GFM2: variants seen among roughly 807,000 people sequenced by gnomAD.
The protein encoded by GFM2 is GTP dependent ribosome recycling factor mitochondrial 2.
Under a neutral mutation model 95.4 loss-of-function variants are expected in GFM2, and 72 were observed. The ratio of observed to expected loss-of-function variants is 0.76; its 90% CI spans 0.62 to 0.92. The LOEUF is 0.92. GFM2 is among the 40% of genes least tolerant of loss of function. The probability of loss-of-function intolerance (pLI) is 0.00; values close to 1 mark genes in which losing one functional copy is unlikely to be tolerated. For missense variants in GFM2, 825 were observed against 924.1 expected, an observed-to-expected ratio of 0.89 and a Z score of 1.39; for synonymous variants, 276 against 317.5, an observed-to-expected ratio of 0.87 and a Z score of 1.39.
intron 10 of GFM2, among the ~76,000 whole-genome samples, chr5:74,743,049 A>G (rs2112282683): frequency 6.6e-6 from 1 of 152,320 alleles, no homozygotes; most frequent in Non-Finnish European, 1.5e-5. Flanking sequence ...TTCAACTTGC[A>G]AAACAAACTC....
chr5:74,724,587 A>G (rs1460661775), intron 19 of GFM2, among the ~76,000 whole-genome samples: 1 of 152,202 alleles, frequency 6.6e-6, no homozygotes, highest in Non-Finnish European at 1.5e-5. Context: ...AACAATATTT[A>G]AACTTTTTTC....
chr5:74,751,772 T>A (rs372910222), intron 5 of GFM2, among the ~76,000 whole-genome samples: 1 of 152,196 alleles, frequency 6.6e-6, no homozygotes, highest in East Asian at 1.9e-4. Flanking sequence ...ATTTCTTACA[T>A]AGCTTAACTA....
chr5:74,738,739 G>C (rs1333225578), intron 12 of GFM2, 97 bp from the exon 13 acceptor site: 8 of 1,197,478 alleles, frequency 6.7e-6, no homozygotes, highest in South Asian at 1.6e-5. Flanking sequence ...TTATCTTCTA[G>C]TAGAGCTACT....
At position 74,747,079 on chromosome 5, in the gene GFM2, C is replaced by T. The variant is rs576909496; in HGVS notation, c.608+613G>A. On this transcript the variant is annotated intron_variant, in intron 8 of 20. Coordinates refer to ENST00000296805, the MANE Select transcript of GFM2 (RefSeq NM_032380.5). ...AATATTCTTGATTCTCTCCCTTTCACATTTTCTCCAAATCTTTCAAATATT... is the reference window on the plus strand; with the variant it reads ...AATATTCTTGATTCTCTCCCTTTCATATTTTCTCCAAATCTTTCAAATATT... Among the ~76,000 whole-genome samples, 6 of 152,290 alleles carry T rather than the reference C, an allele frequency of 3.9e-5. No individual in the cohort carries two copies. The South Asian group carries it at 6.2e-4, about 16-fold the overall frequency.
intron 5 of GFM2, among the ~76,000 whole-genome samples, chr5:74,754,838 A>C (rs1248640476): frequency 6.6e-6 from 1 of 152,190 alleles, no homozygotes; most frequent in Non-Finnish European, 1.5e-5. Flanking sequence ...TGGACTGGCC[A>C]GGCGCAGTGG....
Position 74,745,791 on chromosome 5 carries a change from AAAG to A in GFM2, c.733_735del (p.Leu245del), listed in dbSNP as rs2112296177. 6.2e-7 allele frequency: 1 copy of A among 1,613,644 alleles called. No homozygotes were observed. Among genetic ancestry groups the A allele is most frequent in the Non-Finnish European group, 8.5e-7 (1 of 1,179,874 alleles). ...TTTCCATCATTTGAATTGCAATTCCAAAGAAGTTTTTCTTTCATTACTACATCC... is the reference window on the plus strand; with the variant it reads ...TTTCCATCATTTGAATTGCAATTCCAAAGTTTTTCTTTCATTACTACATCC... On this transcript the variant is annotated inframe_deletion, in exon 10 of 21. Transcript: ENST00000296805.
At chr5:74,742,369 C>T (rs543738519) in intron 10 of GFM2, among the ~76,000 whole-genome samples, 1 of 152,166 alleles carries the variant, frequency 6.6e-6, no homozygotes, top group African/African-American at 2.4e-5. Context: ...TGGAATCAGA[C>T]TACCTAGAAA....
Position 74,758,966 on chromosome 5 carries a change from A to AG in GFM2, c.207-21_207-20insC, listed in dbSNP as rs1744136859. 6.7e-7 allele frequency: 1 copy of AG among 1,503,534 alleles called. No individual in the cohort carries two copies. The allele number at this position is 1,503,534 out of a possible 1,614,324, so 93.1% of individuals were successfully genotyped here. A position where few individuals can be genotyped will look rare whatever the true frequency, so the allele number is the denominator to read the frequency against. On this transcript the variant is annotated intron_variant, in intron 4 of 20. Transcript: ENST00000296805. ...CGGATTCTGTTTAAAAGGAAAAAAT[A>AG]AGGTAAACTTTACTAAAATTGTAAA...
intron 3 of GFM2, among the ~76,000 whole-genome samples, 174 bp downstream of exon 3, chr5:74,760,728 A>C (rs1047463762): frequency 5.3e-5 from 8 of 152,178 alleles, no homozygotes; most frequent in Non-Finnish European, 1.2e-4. Flanking sequence ...CAACTCTACT[A>C]GTATTTCCTT....
intron 17 of GFM2, among the ~76,000 whole-genome samples, chr5:74,726,373 A>G (rs967802348): frequency 6.6e-6 from 1 of 152,210 alleles, no homozygotes; most frequent in Non-Finnish European, 1.5e-5. Context: ...ACATTAAGAT[A>G]TGTTGAGGCA....
intron 15 of GFM2, among the ~76,000 whole-genome samples, chr5:74,734,771 C>CA (rs914044855): frequency 6.6e-6 from 1 of 152,028 alleles, no homozygotes; most frequent in Non-Finnish European, 1.5e-5. Flanking sequence ...AATAAAAGCA[C>CA]AAAAAAGAAA....
chr5:74,730,615 C>G, intron 16 of GFM2: 1 of 353,100 alleles, frequency 2.8e-6, no homozygotes, highest in Non-Finnish European at 5.0e-6. Context: ...GCCATTCTCT[C>G]CTTCTTCTTT....
At position 74,751,434 on chromosome 5, in the gene GFM2, T is replaced by C. The variant is rs1347628459; in HGVS notation, c.364A>G (p.Thr122Ala). Reference protein sequence around the residue: ...FMAQERERGITIQSAAVTFDW... With the variant: ...FMAQERERGIAIQSAAVTFDW... ...AATGTAACAGCAGCTGATTGAATAGTAATGCCTCTTTCTCGCTCTTGGGCC... is the reference window on the plus strand; with the variant it reads ...AATGTAACAGCAGCTGATTGAATAGCAATGCCTCTTTCTCGCTCTTGGGCC... The change falls in exon 6 of 21, where the codon ACT (threonine) becomes GCT (alanine). Residue 122 changes from threonine to alanine, a missense_variant. Coordinates refer to ENST00000296805, the MANE Select transcript of GFM2 (RefSeq NM_032380.5). 6.2e-7 allele frequency: 1 copy of C among 1,609,580 alleles called. No homozygotes were observed. Among genetic ancestry groups the C allele is most frequent in the African/African-American group, 1.3e-5 (1 of 74,950 alleles).
At chr5:74,755,472 T>C (rs1580012994) in intron 5 of GFM2, among the ~76,000 whole-genome samples, 1 of 152,168 alleles carries the variant, frequency 6.6e-6, no homozygotes. Flanking sequence ...ATAAAATTGA[T>C]AGACCATTAG....
intron 11 of GFM2, among the ~76,000 whole-genome samples, chr5:74,740,783 C>CT (rs368837264): frequency 6.6e-6 from 1 of 152,100 alleles, no homozygotes; most frequent in Non-Finnish European, 1.5e-5. Flanking sequence ...AGAAAAAATA[C>CT]TTTTTTTCAT....
In GFM2 at chr5:74,725,661, A is replaced by G; in HGVS notation, c.2007T>C (p.Cys669=). 1 of 1,612,854 alleles carries G rather than the reference A, an allele frequency of 6.2e-7. No homozygotes were observed. The highest frequency in any genetic ancestry group is 2.2e-5 in the East Asian group (1 of 44,858). The stretch of plus-strand genomic sequence containing the variant: ...ATACCTTTTGCACGCATCTTGAGAC[A>G]CAGGCAGAAATCATAGTTGTGGAGG... The part of the protein sequence containing the change: ...PGTSTTMISA[C]VSRCVQKALK... The change falls in exon 19 of 21, where the codon TGT becomes TGC. Residue 669 remains cysteine, a synonymous_variant. Transcript: ENST00000296805.
chr5:74,725,809 A>C (rs1224260535), intron 18 of GFM2, 54 bp from the exon 19 acceptor site: 1 of 1,469,076 alleles, frequency 6.8e-7, no homozygotes, highest in Non-Finnish European at 9.5e-7. Context: ...AGTGAGAAGT[A>C]ACTGAGAAGT....
chr5:74,757,657 A>G (rs1744059336), intron 5 of GFM2, among the ~76,000 whole-genome samples: 1 of 147,002 alleles, frequency 6.8e-6, no homozygotes, highest in Admixed American at 6.9e-5. Context: ...TGTGCCCAAG[A>G]GTTCAAGGCT....
intron 6 of GFM2, 82 bp downstream of exon 6, chr5:74,751,286 T>C: frequency 7.0e-7 from 1 of 1,421,354 alleles, no homozygotes; most frequent in South Asian, 1.3e-5. Flanking sequence ...TTTACCACAA[T>C]AAAAAGCAAA....
Sources: gnomAD v4.1 joint callset for allele counts (sites outside exome capture counted in the v4.1 genomes callset) on GRCh38, gnomAD v4.1.1 for gene constraint, MANE v1.5 for transcripts, NCBI Gene and HGNC (gene_info 2026-07-23, HGNC 2026-07-21) for gene names.